MAPKAP1: variants seen among roughly 807,000 people sequenced by gnomAD.
MAPKAP1 encodes the protein MAPK associated protein 1.
A neutral mutation model predicts 65.7 loss-of-function variants in MAPKAP1; 20 were observed. That is an observed-to-expected ratio of 0.30 (90% CI 0.21 to 0.44). MAPKAP1 has a LOEUF of 0.44. Among genes scored for constraint, MAPKAP1 ranks in the 20% least tolerant of loss-of-function variants. The pLI, the probability that MAPKAP1 is intolerant of heterozygous loss-of-function variation, is 1.00. For missense variants in MAPKAP1, 423 were observed against 648.0 expected (o/e 0.65, Z 3.77); for synonymous variants, 222 against 244.3 (o/e 0.91, Z 0.85).
At chr9:125,649,681 T>C (rs981385117) in intron 4 of MAPKAP1, among the ~76,000 whole-genome samples, 3 of 150,044 alleles carry the variant, frequency 2.0e-5, no homozygotes, top group Non-Finnish European at 4.4e-5. Flanking sequence ...AACCAGACAA[T>C]AGGATATACC....
At chr9:125,607,822 A>AT (rs1350702267) in intron 4 of MAPKAP1, among the ~76,000 whole-genome samples, 2 of 152,094 alleles carry the variant, frequency 1.3e-5, no homozygotes, top group African/African-American at 4.8e-5. Context: ...CACCCAGCTA[A>AT]TTTTTGTATT....
intron 1 of MAPKAP1, among the ~76,000 whole-genome samples, chr9:125,695,168 C>T (rs573457662): frequency 6.6e-6 from 1 of 152,286 alleles, no homozygotes; most frequent in Non-Finnish European, 1.5e-5. Flanking sequence ...AAGCTTCATT[C>T]GCTTGTAAAC....
intron 8 of MAPKAP1, among the ~76,000 whole-genome samples, chr9:125,489,695 G>C (rs1854629310): frequency 6.6e-6 from 1 of 152,166 alleles, no homozygotes; most frequent in South Asian, 2.1e-4. Flanking sequence ...GTGAAGAATG[G>C]CAAGAAGAGG....
At chr9:125,646,210 C>T (rs1481941040) in intron 4 of MAPKAP1, among the ~76,000 whole-genome samples, 1 of 151,982 alleles carries the variant, frequency 6.6e-6, no homozygotes, top group Non-Finnish European at 1.5e-5. Flanking sequence ...ATTATAAATG[C>T]CTGGGATAGA....
intron 8 of MAPKAP1, among the ~76,000 whole-genome samples, chr9:125,492,155 T>C (rs1477294164): frequency 6.6e-6 from 1 of 151,996 alleles, no homozygotes; most frequent in African/African-American, 2.4e-5. Flanking sequence ...AGTGAGCTGA[T>C]TTGCCACTGC....
intron 4 of MAPKAP1, among the ~76,000 whole-genome samples, chr9:125,653,532 T>A (rs951099771): frequency 6.6e-6 from 1 of 152,172 alleles, no homozygotes; most frequent in East Asian, 1.9e-4. Context: ...GTGACCTGCT[T>A]AGGGGAGAAG....
chr9:125,706,031 T>C (rs1276764169), intron 1 of MAPKAP1, among the ~76,000 whole-genome samples: 2 of 152,070 alleles, frequency 1.3e-5, no homozygotes, highest in Non-Finnish European at 2.9e-5. Flanking sequence ...CACAGATGAA[T>C]GGGAAAGGGC....
At chr9:125,525,875 A>C (rs532095372) in intron 7 of MAPKAP1, among the ~76,000 whole-genome samples, 38 of 152,192 alleles carry the variant, frequency 2.5e-4, no homozygotes, top group Non-Finnish European at 4.4e-4. Context: ...TCAAAGACAG[A>C]GAATGACCAG....
intron 4 of MAPKAP1, among the ~76,000 whole-genome samples, chr9:125,643,894 T>C (rs1833650047): frequency 6.6e-6 from 1 of 152,242 alleles, no homozygotes; most frequent in Non-Finnish European, 1.5e-5. Flanking sequence ...AACAATTCTA[T>C]ACTATTGTTG....
intron 10 of MAPKAP1, among the ~76,000 whole-genome samples, chr9:125,466,660 G>GC (rs1341903246): frequency 6.6e-6 from 1 of 152,176 alleles, no homozygotes; most frequent in Non-Finnish European, 1.5e-5. Flanking sequence ...TTGAGGCAAG[G>GC]CCCCCCAGCA....
chr9:125,552,200 T>C (rs924025059), intron 6 of MAPKAP1, among the ~76,000 whole-genome samples: 2 of 152,204 alleles, frequency 1.3e-5, no homozygotes, highest in African/African-American at 4.8e-5. Flanking sequence ...TGAAGATTTG[T>C]TAAAAGAGGC....
At chr9:125,445,958 C>T (rs1852697521) in intron 10 of MAPKAP1, among the ~76,000 whole-genome samples, 1 of 152,184 alleles carries the variant, frequency 6.6e-6, no homozygotes, top group African/African-American at 2.4e-5. Flanking sequence ...TGCAAAACGC[C>T]CAGAAATGAC....
intron 1 of MAPKAP1, among the ~76,000 whole-genome samples, chr9:125,684,781 A>G (rs1278472430): frequency 1.3e-5 from 2 of 152,212 alleles, no homozygotes; most frequent in Admixed American, 6.5e-5. Flanking sequence ...TCCTGGGCTC[A>G]GGCGATCCTC....
intron 1 of MAPKAP1, chr9:125,696,485 A>C (rs1835390204): frequency 6.6e-6 from 1 of 152,190 alleles, no homozygotes; most frequent in Non-Finnish European, 1.5e-5. Context: ...AACAAAACAA[A>C]AAAATCAGAC....
chr9:125,668,980 T>TC (rs1834419359), intron 3 of MAPKAP1, among the ~76,000 whole-genome samples: 1 of 151,992 alleles, frequency 6.6e-6, no homozygotes, highest in South Asian at 2.1e-4. Flanking sequence ...GGCCAGGAGT[T>TC]CGAGAACAGC....
At chr9:125,683,610 G>A (rs570762778) in intron 1 of MAPKAP1, among the ~76,000 whole-genome samples, 28 of 152,264 alleles carry the variant, frequency 1.8e-4, no homozygotes, top group Non-Finnish European at 3.4e-4. Context: ...GAGAGAGATT[G>A]GAAGATCTTT....
intron 8 of MAPKAP1, among the ~76,000 whole-genome samples, chr9:125,488,422 A>G (rs917013643): frequency 6.6e-6 from 1 of 151,944 alleles, no homozygotes; most frequent in African/African-American, 2.4e-5. Context: ...CTGGAGTGCA[A>G]TGGGGAGATC....
chr9:125,521,059 A>G (rs1174146331), intron 7 of MAPKAP1, among the ~76,000 whole-genome samples: 6 of 152,254 alleles, frequency 3.9e-5, no homozygotes, highest in African/African-American at 1.4e-4. Flanking sequence ...CCCACTCAAC[A>G]TCAGAACAAG....
At chr9:125,498,601 AC>A (rs1484187252) in intron 8 of MAPKAP1, among the ~76,000 whole-genome samples, 1 of 152,236 alleles carries the variant, frequency 6.6e-6, no homozygotes, top group Non-Finnish European at 1.5e-5. Context: ...ATAACAAAAA[AC>A]ATTCATTGAC....
Sources: gnomAD v4.1 joint callset for allele counts (sites outside exome capture counted in the v4.1 genomes callset) on GRCh38, gnomAD v4.1.1 for gene constraint, MANE v1.5 for transcripts, NCBI Gene and HGNC (gene_info 2026-07-23, HGNC 2026-07-21) for gene names.